The following CCDC30 variants were observed in gnomAD, a reference collection of about 807,000 sequenced individuals.
The protein encoded by CCDC30 is coiled-coil domain-containing protein 30.
Under a neutral mutation model 100.2 loss-of-function variants are expected in CCDC30, and 70 were observed. The ratio of observed to expected loss-of-function variants is 0.70; its 90% confidence interval spans 0.58 to 0.85. The LOEUF is 0.85. Among genes scored for constraint, CCDC30 ranks in the 40% least tolerant of loss-of-function variants. The pLI, the probability that CCDC30 is intolerant of heterozygous loss-of-function variation, is 0.00. For missense variants in CCDC30, 652 were observed against 771.2 expected (o/e 0.85, Z 1.83); for synonymous variants, 233 against 269.5 (o/e 0.86, Z 1.33).
intron 6 of CCDC30, among the ~76,000 whole-genome samples, chr1:42,545,078 A>G (rs1277224372): frequency 6.6e-6 from 1 of 150,438 alleles, no homozygotes; most frequent in Non-Finnish European, 1.5e-5. Flanking sequence ...AACTCTGTAG[A>G]TCACATATTT....
exon 17 of CCDC30, chr1:42,653,997 T>A: frequency 6.2e-7 from 1 of 1,613,902 alleles, no homozygotes; most frequent in Non-Finnish European, 8.5e-7. Flanking sequence ...ACACATGGTA[T>A]ACAAGAACAA....
At chr1:42,541,282 A>T (rs11210667) in intron 6 of CCDC30, among the ~76,000 whole-genome samples, 60,745 of 152,022 alleles carry the variant, frequency 0.4, 12,736 homozygotes, top group East Asian at 0.59. Flanking sequence ...TCTCTTCTCA[A>T]AAGGGCACTA....
chr1:42,512,903 C>G (rs1410585740), intron 6 of CCDC30, among the ~76,000 whole-genome samples: 1 of 152,214 alleles, frequency 6.6e-6, no homozygotes, highest in African/African-American at 2.4e-5. Context: ...TCTTGTAAGG[C>G]TGGCAGCCAC....
chr1:42,649,026 T>A (rs1468684201), intron 15 of CCDC30, among the ~76,000 whole-genome samples: 1 of 151,982 alleles, frequency 6.6e-6, no homozygotes, highest in African/African-American at 2.4e-5. Context: ...AACAAACGAA[T>A]AATGAATCAT....
chr1:42,586,762 C>T (rs1208022700), intron 9 of CCDC30, among the ~76,000 whole-genome samples: 3 of 151,998 alleles, frequency 2.0e-5, no homozygotes, highest in Non-Finnish European at 4.4e-5. Flanking sequence ...AATGGGGAGC[C>T]ACTATAGGAT....
At chr1:42,588,801 A>G (rs1646127141) in intron 9 of CCDC30, among the ~76,000 whole-genome samples, 2 of 152,164 alleles carry the variant, frequency 1.3e-5, no homozygotes, top group South Asian at 4.1e-4. Flanking sequence ...AATATTTAGT[A>G]TACCAGGATA....
At chr1:42,642,337 G>C (rs546248058) in intron 12 of CCDC30, 136 bp from the exon 17 acceptor site, 2 of 634,146 alleles carry the variant, frequency 3.2e-6, no homozygotes, top group Admixed American at 3.1e-5. Flanking sequence ...TCAGCAAACA[G>C]ATAGAAACAG....
the CCDC30 span, chr1:42,457,367 T>C: frequency 1.6e-5 from 25 of 1,601,360 alleles, no homozygotes; most frequent in Non-Finnish European, 2.1e-5. Context: ...GGCGCTTCTC[T>C]TCCAGAGATC....
At chr1:42,620,582 C>CAA (rs201850758) in intron 11 of CCDC30, among the ~76,000 whole-genome samples, 2,226 of 108,540 alleles carry the variant, frequency 0.021, 51 homozygotes, top group African/African-American at 0.071. Context: ...ATATGAGGGG[C>CAA]AAAAAAAAAA....
intron 6 of CCDC30, among the ~76,000 whole-genome samples, chr1:42,552,530 T>C (rs1570029611): frequency 6.6e-6 from 1 of 152,188 alleles, no homozygotes; most frequent in Admixed American, 6.5e-5. Flanking sequence ...GACACCTTCA[T>C]ATATATTAAA....
chr1:42,515,194 T>G (rs1388111436), intron 6 of CCDC30, among the ~76,000 whole-genome samples: 2 of 129,664 alleles, frequency 1.5e-5, no homozygotes, highest in Non-Finnish European at 3.2e-5. Flanking sequence ...ACTGGAATGA[T>G]GCAGCTGCAA....
At chr1:42,651,604 C>T (rs1009608431) in intron 15 of CCDC30, among the ~76,000 whole-genome samples, 13 of 152,142 alleles carry the variant, frequency 8.5e-5, no homozygotes, top group Non-Finnish European at 1.6e-4. Context: ...TAGCCCAAAC[C>T]TGTAATCCCA....
At chr1:42,656,805 G>A (rs942132154), downstream of CCDC30, among the ~76,000 whole-genome samples, 4 of 152,188 alleles carry the variant, frequency 2.6e-5, no homozygotes, top group Non-Finnish European at 5.9e-5. Flanking sequence ...AATGAAGCAT[G>A]TAAAGTATTT....
intron 6 of CCDC30, among the ~76,000 whole-genome samples, chr1:42,534,116 T>A (rs10890200): frequency 0.39 from 58,739 of 152,086 alleles, 11,826 homozygotes; most frequent in East Asian, 0.59. Context: ...ATGTGCCACG[T>A]ATTATGGTAA....
intron 1 of CCDC30, among the ~76,000 whole-genome samples, chr1:42,465,004 A>C (rs4660227): frequency 0.39 from 59,121 of 152,060 alleles, 11,994 homozygotes; most frequent in East Asian, 0.59. Flanking sequence ...ACTGGATAAA[A>C]CCTAACTCTT....
rs1247096386 is a variant in CCDC30 at position 42,593,599 on chromosome 1, A to G, written c.1164+4116A>G. On this transcript the variant is annotated intron_variant, in intron 10 of 16. Coordinates refer to ENST00000668663, the Ensembl canonical transcript of CCDC30. The stretch of plus-strand genomic sequence containing the variant: ...TGAGCCTGAAAGTTCCAACCCTCTA[A>G]TCATATAATGGTACCCCTGGCAACT... 5 of 152,102 alleles carry G rather than the reference A, an allele frequency of 3.3e-5. No homozygotes were observed. In the South Asian group the frequency reaches 1.0e-3, roughly 32 times the overall value. The allele number at this position is 152,102 out of a possible 1,614,324, so 9.4% of individuals were successfully genotyped here.
chr1:42,549,258 C>T (rs367760512), intron 6 of CCDC30, among the ~76,000 whole-genome samples: 1 of 152,148 alleles, frequency 6.6e-6, no homozygotes, highest in South Asian at 2.1e-4. Flanking sequence ...AAAGGGTCCA[C>T]AGCTAAAATA....
exon 15 of CCDC30, chr1:42,646,254 A>G: frequency 1.3e-6 from 2 of 1,551,794 alleles, no homozygotes; most frequent in Non-Finnish European, 1.7e-6. Context: ...ACAATGCAGA[A>G]CTCCAGCATG....
intron 1 of CCDC30, chr1:42,473,294 A>G: frequency 8.1e-7 from 1 of 1,230,266 alleles, no homozygotes; most frequent in Admixed American, 4.2e-5. Context: ...ACATGGGTGA[A>G]ACAAAAGAAG....
Sources: allele counts gnomAD v4.1 joint callset (sites outside exome capture counted in the v4.1 genomes callset), GRCh38; gene constraint gnomAD v4.1.1; transcripts MANE v1.5; gene names NCBI Gene and HGNC (gene_info 2026-07-23, HGNC 2026-07-21).